Variants in DOCK9 observed in about 807,000 individuals in gnomAD.
The protein encoded by DOCK9 is dedicator of cytokinesis 9, also known as dedicator of cytokinesis protein 9.
In DOCK9, 89 loss-of-function variants were observed where a neutral mutation model predicts 263.3. The observed-to-expected ratio is 0.34, with a 90% CI of 0.28 to 0.40. The LOEUF (loss-of-function observed/expected upper bound fraction) is 0.40, where lower values mean the gene tolerates loss of function less well. DOCK9 is among the 10% of genes least tolerant of loss of function. DOCK9 has a pLI of 1.00. For synonymous variants in DOCK9, 976 were observed against 973.1 expected, an observed-to-expected ratio of 1.00 and a Z score of -0.06; for missense variants, 2,140 against 2,603.4, an observed-to-expected ratio of 0.82 and a Z score of 3.87.
chr13:99,049,375 G>A (rs1312490698), intron 1 of DOCK9, among the ~76,000 whole-genome samples: 2 of 152,170 alleles, frequency 1.3e-5, no homozygotes, highest in Non-Finnish European at 2.9e-5. Context: ...TGTGGCCATG[G>A]AGTAAGGACA....
intron 38 of DOCK9, among the ~76,000 whole-genome samples, chr13:98,839,742 A>G (rs551681203): frequency 1.3e-5 from 2 of 152,386 alleles, no homozygotes; most frequent in East Asian, 3.9e-4. Context: ...CAACAATTAA[A>G]AATTAGAATT....
At chr13:98,944,629 G>A (rs2056467016) in intron 2 of DOCK9, among the ~76,000 whole-genome samples, 1 of 152,130 alleles carries the variant, frequency 6.6e-6, no homozygotes, top group African/African-American at 2.4e-5. Context: ...CTATGCCAGG[G>A]CACATGGGGA....
chr13:98,973,875 C>T (rs2059973706), intron 1 of DOCK9, among the ~76,000 whole-genome samples: 2 of 152,148 alleles, frequency 1.3e-5, no homozygotes, highest in African/African-American at 2.4e-5. Flanking sequence ...GGATTACAGA[C>T]TTGAGCCACA....
intron 35 of DOCK9, among the ~76,000 whole-genome samples, chr13:98,853,063 T>A (rs1050257598): frequency 5.9e-5 from 9 of 152,208 alleles, no homozygotes; most frequent in Admixed American, 2.6e-4. Context: ...CGAATAAAAA[T>A]TTTTTTTAAA....
At chr13:98,920,768 GC>G (rs2051832031) in intron 7 of DOCK9, among the ~76,000 whole-genome samples, 185 bp downstream of exon 7, 1 of 152,198 alleles carries the variant, frequency 6.6e-6, no homozygotes, top group African/African-American at 2.4e-5. Context: ...GCATAATTCT[GC>G]CTCTACATTA....
chr13:98,976,639 T>C (rs927396439), intron 1 of DOCK9, among the ~76,000 whole-genome samples: 3 of 152,158 alleles, frequency 2.0e-5, no homozygotes, highest in African/African-American at 7.2e-5. Context: ...TCCAGAACAA[T>C]GAATTACATT....
chr13:98,957,206 T>A (rs1274784187), intron 1 of DOCK9, among the ~76,000 whole-genome samples: 2 of 152,104 alleles, frequency 1.3e-5, no homozygotes, highest in African/African-American at 4.8e-5. Flanking sequence ...GGGTCCTGAA[T>A]CCCCTTGTAG....
chr13:98,895,083 T>G (rs1595070010), intron 15 of DOCK9, among the ~76,000 whole-genome samples: 1 of 148,324 alleles, frequency 6.7e-6, no homozygotes, highest in Non-Finnish European at 1.5e-5. Flanking sequence ...GAGGCGGAGG[T>G]TGCAGTGAGC....
intron 2 of DOCK9, among the ~76,000 whole-genome samples, chr13:98,939,761 G>A (rs1255539985): frequency 1.3e-5 from 2 of 152,186 alleles, no homozygotes; most frequent in East Asian, 3.9e-4. Context: ...TCTCAGCTGG[G>A]CCAAATGGAG....
At chr13:99,086,882 C>T (rs1419630256), upstream of DOCK9, among the ~76,000 whole-genome samples, 1 of 151,898 alleles carries the variant, frequency 6.6e-6, no homozygotes, top group East Asian at 2.0e-4. Flanking sequence ...CGCCCCGGGC[C>T]GCACGTCCGA....
intron 11 of DOCK9, among the ~76,000 whole-genome samples, chr13:98,902,723 C>A (rs1366511503): frequency 3.9e-5 from 6 of 152,178 alleles, no homozygotes; most frequent in African/African-American, 1.4e-4. Flanking sequence ...CCATAGAAAA[C>A]ACAGTTGCGT....
rs555735719 is a variant in DOCK9, at chr13:98,970,945, C to T, written c.126+6839G>A. 9.9e-5 allele frequency among the ~76,000 whole-genome samples: 15 copies of T among 152,248 alleles called. No homozygotes were observed. The South Asian group carries it at 1.5e-3, about 15-fold the overall frequency. Reference sequence around the variant, plus strand: ...CTTACTTCTTACACTGGGTGGAATTCCAAGATCCCATTCTGTAGCTCCAAC... The same window carrying T: ...CTTACTTCTTACACTGGGTGGAATTTCAAGATCCCATTCTGTAGCTCCAAC... On this transcript the variant is annotated intron_variant, in intron 1 of 52. Coordinates refer to ENST00000682017, the MANE Select transcript of DOCK9 (RefSeq NM_001366683.2).
chr13:98,903,195 T>C (rs756505330), intron 10 of DOCK9, 83 bp from the exon 11 acceptor site: 4 of 1,146,192 alleles, frequency 3.5e-6, no homozygotes, highest in Non-Finnish European at 2.4e-6. Context: ...GGAAACGGAA[T>C]AAAATATGGA....
chr13:99,050,229 T>C (rs1267226998), intron 1 of DOCK9, among the ~76,000 whole-genome samples: 1 of 152,146 alleles, frequency 6.6e-6, no homozygotes. Flanking sequence ...GGTAATGCTT[T>C]AATTAAAATC....
chr13:98,955,572 C>T, intron 1 of DOCK9, 21 bp from the exon 2 acceptor site: 1 of 1,505,922 alleles, frequency 6.6e-7, no homozygotes, highest in Non-Finnish European at 9.1e-7. Context: ...AAAAGATAAG[C>T]AAGACATTCT....
chr13:99,067,700 G>A (rs565597250), intron 1 of DOCK9, among the ~76,000 whole-genome samples: 1 of 152,212 alleles, frequency 6.6e-6, no homozygotes, highest in Non-Finnish European at 1.5e-5. Flanking sequence ...AAAGGAGTAA[G>A]TAGTATGGGT....
intron 1 of DOCK9, among the ~76,000 whole-genome samples, chr13:99,064,951 T>G (rs763755671): frequency 6.6e-6 from 1 of 152,208 alleles, no homozygotes; most frequent in Non-Finnish European, 1.5e-5. Flanking sequence ...CTGTCTGCAA[T>G]GGTTTATCTG....
Position 98,856,051 on chromosome 13 carries a change from AC to A in DOCK9, c.3698-21del. The A allele has an allele frequency of 6.2e-7, 1 of 1,613,124 alleles. No individual in the cohort carries two copies. Among genetic ancestry groups the A allele is most frequent in the Non-Finnish European group, 8.5e-7 (1 of 1,179,264 alleles). On this transcript the variant is annotated intron_variant, in intron 33 of 52. Transcript: ENST00000682017. Reference sequence around the variant, plus strand: ...GAGAAGCTAAATGGAAATCAAGCCAACAATAAAGTTTTATTAAGACAGAACA... The same window carrying A: ...GAGAAGCTAAATGGAAATCAAGCCAAAATAAAGTTTTATTAAGACAGAACA...
At chr13:98,882,918 G>T in intron 23 of DOCK9, 124 bp downstream of exon 23, 1 of 730,658 alleles carries the variant, frequency 1.4e-6, no homozygotes, top group Non-Finnish European at 2.3e-6. Context: ...CCTCATAGAA[G>T]CTACTGATGT....
Sources: gnomAD v4.1 joint callset for allele counts (sites outside exome capture counted in the v4.1 genomes callset) on GRCh38, gnomAD v4.1.1 for gene constraint, MANE v1.5 for transcripts, NCBI Gene and HGNC (gene_info 2026-07-23, HGNC 2026-07-21) for gene names.